The following RHBDD1 variants were observed in gnomAD, a reference collection of about 807,000 sequenced individuals.
RHBDD1 encodes rhomboid-related protein 4.
RHBDD1 carries 38 observed loss-of-function variants against 36.3 expected under a neutral mutation model. The observed-to-expected ratio is 1.05, with a 90% CI of 0.81 to 1.37. The LOEUF (loss-of-function observed/expected upper bound fraction) is 1.37. Ranked by LOEUF, RHBDD1 falls within the 40% of genes most tolerant of loss-of-function variation. RHBDD1 has a pLI of 0.00. For missense variants in RHBDD1, 393 were observed against 377.6 expected (o/e 1.04, Z -0.34); for synonymous variants, 151 against 136.5 (o/e 1.11, Z -0.74).
intron 8 of RHBDD1, among the ~76,000 whole-genome samples, chr2:226,962,519 A>T (rs1952285585): frequency 6.6e-6 from 1 of 152,236 alleles, no homozygotes; most frequent in Admixed American, 6.5e-5. Flanking sequence ...TCTAGTCTTT[A>T]ATCATATCTG....
intron 8 of RHBDD1, among the ~76,000 whole-genome samples, chr2:226,914,876 A>G (rs893927750): frequency 4.6e-5 from 7 of 152,166 alleles, no homozygotes; most frequent in African/African-American, 1.7e-4. Flanking sequence ...CCGATATCTG[A>G]AAAAACACTG....
chr2:226,905,015 TG>T (rs1947927972), intron 5 of RHBDD1, among the ~76,000 whole-genome samples: 1 of 152,200 alleles, frequency 6.6e-6, no homozygotes, highest in Non-Finnish European at 1.5e-5. Flanking sequence ...GGCCCTGTCC[TG>T]GGTGTTTGGA....
chr2:226,903,361 C>A (rs1947753236), intron 5 of RHBDD1, among the ~76,000 whole-genome samples: 2 of 152,182 alleles, frequency 1.3e-5, no homozygotes, highest in Non-Finnish European at 1.5e-5. Flanking sequence ...CCGTCTCACC[C>A]AGGACGTGAA....
At chr2:226,921,189 A>T (rs1949283574) in intron 8 of RHBDD1, among the ~76,000 whole-genome samples, 1 of 152,064 alleles carries the variant, frequency 6.6e-6, no homozygotes, top group Non-Finnish European at 1.5e-5. Flanking sequence ...GAATTTCTGT[A>T]GAATAGGTTT....
At chr2:226,815,631 A>G in the RHBDD1 span, among the ~76,000 whole-genome samples, 46 of 152,358 alleles carry the variant, frequency 3.0e-4, no homozygotes, top group Admixed American at 1.0e-3. Flanking sequence ...AGAGGAGGCA[A>G]AAGTAAAGAT....
intron 5 of RHBDD1, among the ~76,000 whole-genome samples, chr2:226,902,823 T>G (rs1947706336): frequency 6.6e-6 from 1 of 152,230 alleles, no homozygotes; most frequent in South Asian, 2.1e-4. Context: ...TGAAATTATA[T>G]TAGGGCAATT....
chr2:226,983,202 C>G (rs1956173366), intron 8 of RHBDD1, among the ~76,000 whole-genome samples: 1 of 152,118 alleles, frequency 6.6e-6, no homozygotes, highest in Non-Finnish European at 1.5e-5. Context: ...ATTTCTGGGT[C>G]CCCCAACAGA....
the RHBDD1 span, among the ~76,000 whole-genome samples, chr2:226,803,423 C>G: frequency 1.3e-3 from 199 of 151,920 alleles, 1 homozygote; most frequent in East Asian, 0.012. Context: ...AAGAGAGGAG[C>G]CTTAAGCTTG....
chr2:226,895,169 A>G (rs1946997135), intron 5 of RHBDD1, among the ~76,000 whole-genome samples: 2 of 152,198 alleles, frequency 1.3e-5, no homozygotes, highest in African/African-American at 2.4e-5. Flanking sequence ...TGCTGGTTAG[A>G]CAGACACGCT....
intron 4 of RHBDD1, among the ~76,000 whole-genome samples, chr2:226,865,554 C>T (rs1944254946): frequency 6.6e-6 from 1 of 152,138 alleles, no homozygotes; most frequent in Admixed American, 6.5e-5. Context: ...TTACATGAGG[C>T]AGATTTAGTA....
chr2:226,926,811 T>G (rs1052850321), intron 8 of RHBDD1, among the ~76,000 whole-genome samples: 5 of 152,214 alleles, frequency 3.3e-5, no homozygotes, highest in Non-Finnish European at 7.3e-5. Flanking sequence ...TCCTAAAAAT[T>G]ACTTGAAAAC....
the RHBDD1 span, among the ~76,000 whole-genome samples, chr2:226,821,773 G>C: frequency 6.6e-6 from 1 of 151,948 alleles, no homozygotes; most frequent in Non-Finnish European, 1.5e-5. Flanking sequence ...AAATTATGGT[G>C]ATTCTTATTT....
intron 5 of RHBDD1, among the ~76,000 whole-genome samples, chr2:226,877,817 A>G (rs952394548): frequency 6.6e-6 from 1 of 152,212 alleles, no homozygotes; most frequent in African/African-American, 2.4e-5. Context: ...CGCTTTGTCA[A>G]AGATATTCCT....
rs77924848 is a variant in RHBDD1, at chr2:226,969,394, C to CTT, written c.857-26018_857-26017dup. Among the ~76,000 whole-genome samples, 164 of 115,536 alleles carry CTT rather than the reference C, an allele frequency of 1.4e-3. 5 individuals carry two copies. The highest frequency in any genetic ancestry group is 4.0e-3 in the African/African-American group (124 of 30,756). The allele number at this position is 115,536 out of a possible 152,430, so 75.8% of individuals were successfully genotyped here. ...TTGCTCTGGGCTAAGACAGCTCAGC[C>CTT]TTTTTTTTTTTTTTTTTTTTAAGGA... is the stretch of plus-strand genomic sequence containing the variant. On this transcript the variant is annotated intron_variant, in intron 8 of 8. Coordinates refer to ENST00000392062, the MANE Select transcript of RHBDD1 (RefSeq NM_001167608.3).
chr2:226,957,366 T>C (rs997104497), intron 8 of RHBDD1, among the ~76,000 whole-genome samples: 2 of 152,026 alleles, frequency 1.3e-5, no homozygotes, highest in Admixed American at 6.6e-5. Context: ...CAACAAAAAA[T>C]AGATAAATTG....
chr2:226,961,252 A>G (rs1457823912), intron 8 of RHBDD1, among the ~76,000 whole-genome samples: 1 of 152,046 alleles, frequency 6.6e-6, no homozygotes, highest in African/African-American at 2.4e-5. Flanking sequence ...GTAGGGAGGT[A>G]TATTATACCC....
chr2:226,848,052 C>T (rs1942411183), intron 3 of RHBDD1, among the ~76,000 whole-genome samples: 1 of 152,172 alleles, frequency 6.6e-6, no homozygotes, highest in Admixed American at 6.5e-5. Context: ...ATATAGAATA[C>T]ATTCTAAGAT....
intron 8 of RHBDD1, among the ~76,000 whole-genome samples, chr2:226,987,291 A>G (rs541388363): frequency 6.6e-6 from 1 of 152,166 alleles, no homozygotes; most frequent in Non-Finnish European, 1.5e-5. Flanking sequence ...ACATATACCT[A>G]TGTAACAAAC....
intron 3 of RHBDD1, among the ~76,000 whole-genome samples, chr2:226,863,805 A>G (rs1944071657): frequency 1.3e-5 from 2 of 152,220 alleles, no homozygotes; most frequent in South Asian, 2.1e-4. Context: ...GTGCCAGCCC[A>G]GGTCCAGCGG....
Sources: allele counts gnomAD v4.1 joint callset (sites outside exome capture counted in the v4.1 genomes callset), GRCh38; gene constraint gnomAD v4.1.1; transcripts MANE v1.5; gene names NCBI Gene and HGNC (gene_info 2026-07-23, HGNC 2026-07-21).